The following H1-3 variants were observed in gnomAD, a reference collection of about 807,000 sequenced individuals.
H1-3 encodes H1.3 linker histone, cluster member.
A neutral mutation model predicts 3.6 loss-of-function variants in H1-3; 4 were observed. That is an observed-to-expected ratio of 1.12 (90% CI 0.55 to 2.57). The LOEUF (loss-of-function observed/expected upper bound fraction) is 2.57, where lower values mean the gene tolerates loss of function less well. H1-3 is among the 30% of genes most tolerant of loss of function. The pLI, the probability that H1-3 is intolerant of heterozygous loss-of-function variation, is 0.02. For missense variants in H1-3, 670 were observed against 274.3 expected (o/e 2.44, Z -10.19); for synonymous variants, 266 against 110.0 (o/e 2.42, Z -8.87).
rs748585271 is a variant in H1-3, at chr6:26,234,703, GTT to G, written c.229_230del (p.Asn77GlnfsTer53). 3.7e-6 allele frequency: 6 copies of G among 1,613,808 alleles called. No homozygotes were observed. The Middle Eastern group carries it at 5.0e-4, about 133-fold the overall frequency. On this transcript the variant is annotated frameshift_variant, in exon 1 of 1. Coordinates refer to ENST00000244534, the MANE Select transcript of H1-3 (RefSeq NM_005320.3). LOFTEE classifies it high-confidence loss of function. The part of the protein sequence containing the change: ...LAAAGYDVEK[N>X]NSRIKLGLKS... Reference sequence around the variant, plus strand: ...TGAGGCCAAGCTTGATACGGCTGTTGTTTTTTTCTACATCGTAGCCAGCAGCC... The same window carrying G: ...TGAGGCCAAGCTTGATACGGCTGTTGTTTTTCTACATCGTAGCCAGCAGCC...
At position 26,234,375 on chromosome 6, in the gene H1-3, C is replaced by A. The variant is rs150348677; in HGVS notation, c.559G>T (p.Ala187Ser). 3.0e-5 allele frequency: 49 copies of A among 1,614,096 alleles called. No homozygotes were observed. Among genetic ancestry groups the A allele is most frequent in the South Asian group, 5.5e-5 (5 of 91,092 alleles). Residue 187 changes from alanine (A) to serine (S), a missense_variant, in exon 1 of 1, where the codon GCC (alanine) becomes TCC (serine). Coordinates refer to ENST00000244534, the MANE Select transcript of H1-3 (RefSeq NM_005320.3). ...KVKTPQPKKAAKSPAKAKAPK... is the reference protein window; with the variant it reads ...KVKTPQPKKASKSPAKAKAPK... ...GCTTTGGCCTTAGCTGGACTCTTGGCAGCTTTTTTTGGCTGAGGTGTTTTC... is the reference window on the plus strand; with the variant it reads ...GCTTTGGCCTTAGCTGGACTCTTGGAAGCTTTTTTTGGCTGAGGTGTTTTC...
Position 26,234,939 on chromosome 6 carries a change from T to A in H1-3, c.-6A>T, listed in dbSNP as rs1759763587. 1 of 1,591,870 alleles carries A rather than the reference T, an allele frequency of 6.3e-7. No individual in the cohort carries two copies. Among genetic ancestry groups the A allele is most frequent in the Admixed American group, 1.8e-5 (1 of 54,526 alleles). On this transcript the variant is annotated 5_prime_UTR_variant, in exon 1 of 1. Coordinates refer to ENST00000244534, the MANE Select transcript of H1-3 (RefSeq NM_005320.3). ...AGTGGAGCAGTCTCCGACATGTTTT[T>A]GTCTTCCCAGAAAAGACAATAAGTA...
chr6:26,234,845 G>A lies in H1-3; in HGVS notation c.89C>T (p.Thr30Ile). The A allele has an allele frequency of 6.2e-7, 1 of 1,614,236 alleles. No individual in the cohort carries two copies. Among genetic ancestry groups the A allele is most frequent in the Non-Finnish European group, 8.5e-7 (1 of 1,180,048 alleles). ...TCCGGATGCTTTGCGTTTCCCAGCAGTTGCGCCTGCCTTCTTCGCCTTTTT... is the reference window on the plus strand; with the variant it reads ...TCCGGATGCTTTGCGTTTCCCAGCAATTGCGCCTGCCTTCTTCGCCTTTTT... The part of the protein sequence containing the change: ...VKKKAKKAGA[T>I]AGKRKASGPP... The change falls in exon 1 of 1, where the codon ACT (threonine) becomes ATT (isoleucine). Residue 30 changes from threonine (T) to isoleucine (I), a missense_variant. Thr to Ile is a moderately conservative substitution (Grantham distance 89). Coordinates refer to ENST00000244534, the MANE Select transcript of H1-3 (RefSeq NM_005320.3).
In H1-3 at chr6:26,234,816, G is replaced by A. The variant is rs369074504; in HGVS notation, c.118C>T (p.Pro40Ser). 1.1e-5 allele frequency: 17 copies of A among 1,614,106 alleles called. No individual in the cohort carries two copies. The highest frequency in any genetic ancestry group is 1.3e-5 in the African/African-American group (1 of 74,932). The change falls in exon 1 of 1, where the codon CCA (proline) becomes TCA (serine). Residue 40 changes from proline to serine, a missense_variant. Coordinates refer to ENST00000244534, the MANE Select transcript of H1-3 (RefSeq NM_005320.3). ...TAGKRKASGP[P>S]VSELITKAVA... Reference sequence around the variant, plus strand: ...GCCTTGGTGATAAGCTCAGATACTGGGGGTCCGGATGCTTTGCGTTTCCCA... The same window carrying A: ...GCCTTGGTGATAAGCTCAGATACTGAGGGTCCGGATGCTTTGCGTTTCCCA...
Position 26,234,665 on chromosome 6 carries a change from C to T in H1-3, c.269G>A (p.Ser90Asn), listed in dbSNP as rs1270956258. The change falls in exon 1 of 1, where the codon AGC (serine) becomes AAC (asparagine). Residue 90 changes from serine (S) to asparagine (N), a missense_variant. Coordinates refer to ENST00000244534, the MANE Select transcript of H1-3 (RefSeq NM_005320.3). Reference protein sequence around the residue: ...RIKLGLKSLVSKGTLVQTKGT... With the variant: ...RIKLGLKSLVNKGTLVQTKGT... ...TTTGGTCTGCACCAGAGTACCTTTGCTCACCAAGCTCTTGAGGCCAAGCTT... is the reference window on the plus strand; with the variant it reads ...TTTGGTCTGCACCAGAGTACCTTTGTTCACCAAGCTCTTGAGGCCAAGCTT... 4 of 1,614,182 alleles carry T rather than the reference C, an allele frequency of 2.5e-6. No homozygotes were observed. Among genetic ancestry groups the T allele is most frequent in the East Asian group, 4.5e-5 (2 of 44,894 alleles).
rs1759742189 is a variant in H1-3, at chr6:26,234,609, T to C, written c.325A>G (p.Asn109Asp). 1 of 1,614,096 alleles carries C rather than the reference T, an allele frequency of 6.2e-7. No individual in the cohort carries two copies. Among genetic ancestry groups the C allele is most frequent in the Non-Finnish European group, 8.5e-7 (1 of 1,180,032 alleles). Reference protein sequence around the residue: ...GTGASGSFKLNKKAASGEGKP... With the variant: ...GTGASGSFKLDKKAASGEGKP... ...CCTTCCCCGGAAGCCGCTTTCTTGT[T>C]GAGTTTGAAGGAGCCAGAAGCACCG... The change falls in exon 1 of 1, where the codon AAC (asparagine) becomes GAC (aspartate). Residue 109 changes from asparagine (N) to aspartate (D), a missense_variant. Physicochemically the swap from Asn to Asp is conservative, Grantham distance 23. Transcript: ENST00000244534.
Position 26,234,258 on chromosome 6 carries a change from C to T in H1-3, c.*10G>A, listed in dbSNP as rs766178633. 2.5e-6 allele frequency: 4 copies of T among 1,584,850 alleles called. No individual in the cohort carries two copies. Among genetic ancestry groups the T allele is most frequent in the Non-Finnish European group, 3.4e-6 (4 of 1,170,974 alleles). On this transcript the variant is annotated 3_prime_UTR_variant, in exon 1 of 1. Transcript: ENST00000244534. ...GTTTAAAATTTTCAAAGGGGAACGT[C>T]CCGCCAGTTTCACTTTTTCTTCGGA...
chr6:26,234,878 G>T lies in H1-3; in HGVS notation c.56C>A (p.Pro19His), dbSNP rs781696897. ...TGCCTTCTTCGCCTTTTTCTTCACA[G>T]GTGTTTTTTCTGCGGGTGCAGGAAT... ...PTIPAPAEKT[P>H]VKKKAKKAGA... Residue 19 changes from proline to histidine, a missense_variant, in exon 1 of 1, where the codon CCT becomes CAT. Coordinates refer to ENST00000244534, the MANE Select transcript of H1-3 (RefSeq NM_005320.3). The T allele has an allele frequency of 6.2e-6, 10 of 1,613,308 alleles. No individual in the cohort carries two copies. The highest frequency in any genetic ancestry group is 8.5e-6 in the Non-Finnish European group (10 of 1,179,832).
rs775179198 is a variant in H1-3, at chr6:26,234,328, C to G, written c.606G>C (p.Lys202Asn). 1.2e-6 allele frequency: 2 copies of G among 1,613,748 alleles called. No individual in the cohort carries two copies. The highest frequency in any genetic ancestry group is 1.7e-6 in the Non-Finnish European group (2 of 1,179,918). ...KAKAPKPKAA[K>N]PKSGKPKVTK... ...TAACCTTCGGCTTCCCCGACTTAGGCTTGGCCGCCTTGGGCTTAGGGGCTT... is the reference window on the plus strand; with the variant it reads ...TAACCTTCGGCTTCCCCGACTTAGGGTTGGCCGCCTTGGGCTTAGGGGCTT... Residue 202 changes from lysine to asparagine, a missense_variant, in exon 1 of 1, where the codon AAG (lysine) becomes AAC (asparagine). Coordinates refer to ENST00000244534, the MANE Select transcript of H1-3 (RefSeq NM_005320.3).
rs753137972 is a variant in H1-3, at chr6:26,234,979, G to A, written c.-46C>T. On this transcript the variant is annotated 5_prime_UTR_variant, in exon 1 of 1. Coordinates refer to ENST00000244534, the MANE Select transcript of H1-3 (RefSeq NM_005320.3). The stretch of plus-strand genomic sequence containing the variant: ...GACAATAAGTAATCTCAAACTGTCA[G>A]AACAGCATGTCCTCTACGAGGGAGG... 7.3e-5 allele frequency: 111 copies of A among 1,522,806 alleles called. No homozygotes were observed. Among genetic ancestry groups the A allele is most frequent in the Non-Finnish European group, 9.5e-5 (107 of 1,127,654 alleles). The allele number at this position is 1,522,806 out of a possible 1,614,324, so 94.3% of individuals were successfully genotyped here.
Position 26,234,589 on chromosome 6 carries a change from C to G in H1-3, c.345G>C (p.Gly115=). The change falls in exon 1 of 1, where the codon GGG becomes GGC. Residue 115 remains glycine, a synonymous_variant. Coordinates refer to ENST00000244534, the MANE Select transcript of H1-3 (RefSeq NM_005320.3). ...CCTTTTTGGCCTTGGGTTTGCCTTC[C>G]CCGGAAGCCGCTTTCTTGTTGAGTT... is the stretch of plus-strand genomic sequence containing the variant. The part of the protein sequence containing the change: ...SFKLNKKAAS[G]EGKPKAKKAG... The G allele has an allele frequency of 6.2e-7, 1 of 1,613,908 alleles. No homozygotes were observed. The highest frequency in any genetic ancestry group is 1.7e-4 in the Middle Eastern group (1 of 5,842).
chr6:26,234,761 A>G lies in H1-3; in HGVS notation c.173T>C (p.Val58Ala). The change falls in exon 1 of 1, where the codon GTT becomes GCT. Residue 58 changes from valine (V) to alanine (A), a missense_variant. By Grantham distance (64) the Val-to-Ala change is moderately conservative. Coordinates refer to ENST00000244534, the MANE Select transcript of H1-3 (RefSeq NM_005320.3). ...AVAASKERSG[V>A]SLAALKKALA... ...CGCTTTCTTAAGCGCGGCCAGAGAA[A>G]CGCCGCTGCGCTCCTTAGAAGCTGC... 1 of 1,614,166 alleles carries G rather than the reference A, an allele frequency of 6.2e-7. No individual in the cohort carries two copies. Among genetic ancestry groups the G allele is most frequent in the Non-Finnish European group, 8.5e-7 (1 of 1,180,034 alleles).
Position 26,234,687 on chromosome 6 carries a change from G to C in H1-3, c.247C>G (p.Leu83Val), listed in dbSNP as rs370746969. ...TTGCTCACCAAGCTCTTGAGGCCAA[G>C]CTTGATACGGCTGTTGTTTTTTTCT... ...DVEKNNSRIK[L>V]GLKSLVSKGT... Residue 83 changes from leucine to valine, a missense_variant, in exon 1 of 1, where the codon CTT becomes GTT. Transcript: ENST00000244534. 3.7e-6 allele frequency: 6 copies of C among 1,613,930 alleles called. No individual in the cohort carries two copies. The highest frequency in any genetic ancestry group is 2.7e-5 in the African/African-American group (2 of 74,908).
chr6:26,234,888 C>G lies in H1-3; in HGVS notation c.46G>C (p.Glu16Gln), dbSNP rs1759760383. 1 of 1,612,896 alleles carries G rather than the reference C, an allele frequency of 6.2e-7. No individual in the cohort carries two copies. The highest frequency in any genetic ancestry group is 1.1e-5 in the South Asian group (1 of 90,962). Reference protein sequence around the residue: ...PLAPTIPAPAEKTPVKKKAKK... With the variant: ...PLAPTIPAPAQKTPVKKKAKK... ...GCCTTTTTCTTCACAGGTGTTTTTT[C>G]TGCGGGTGCAGGAATGGTAGGAGCA... Residue 16 changes from glutamate to glutamine, a missense_variant, in exon 1 of 1, where the codon GAA (glutamate) becomes CAA (glutamine). Physicochemically the swap from Glu to Gln is conservative, Grantham distance 29 (BLOSUM62 2). Coordinates refer to ENST00000244534, the MANE Select transcript of H1-3 (RefSeq NM_005320.3).
chr6:26,234,252 G>T lies in H1-3; in HGVS notation c.*16C>A. 1 of 1,579,012 alleles carries T rather than the reference G, an allele frequency of 6.3e-7. No individual in the cohort carries two copies. The highest frequency in any genetic ancestry group is 1.2e-5 in the South Asian group (1 of 85,444). On this transcript the variant is annotated 3_prime_UTR_variant, in exon 1 of 1. Coordinates refer to ENST00000244534, the MANE Select transcript of H1-3 (RefSeq NM_005320.3). Reference sequence around the variant, plus strand: ...AGAGCCGTTTAAAATTTTCAAAGGGGAACGTCCCGCCAGTTTCACTTTTTC... The same window carrying T: ...AGAGCCGTTTAAAATTTTCAAAGGGTAACGTCCCGCCAGTTTCACTTTTTC...
Position 26,234,858 on chromosome 6 carries a change from T to C in H1-3, c.76A>G (p.Lys26Glu), listed in dbSNP as rs951535539. The change falls in exon 1 of 1, where the codon AAG (lysine) becomes GAG (glutamate). Residue 26 changes from lysine to glutamate, a missense_variant. Transcript: ENST00000244534. ...EKTPVKKKAK[K>E]AGATAGKRKA... The stretch of plus-strand genomic sequence containing the variant: ...CGTTTCCCAGCAGTTGCGCCTGCCT[T>C]CTTCGCCTTTTTCTTCACAGGTGTT... 1 of 1,613,970 alleles carries C rather than the reference T, an allele frequency of 6.2e-7. No homozygotes were observed. Among genetic ancestry groups the C allele is most frequent in the Non-Finnish European group, 8.5e-7 (1 of 1,180,016 alleles).
Position 26,234,934 on chromosome 6 carries a change from GTT to G in H1-3, c.-3_-2del, listed in dbSNP as rs768502952. ...GAGCAAGTGGAGCAGTCTCCGACAT[GTT>G]TTTGTCTTCCCAGAAAAGACAATAA... On this transcript the variant is annotated 5_prime_UTR_variant, in exon 1 of 1. Coordinates refer to ENST00000244534, the MANE Select transcript of H1-3 (RefSeq NM_005320.3). 57 of 1,594,044 alleles carry G rather than the reference GTT, an allele frequency of 3.6e-5. No homozygotes were observed. Among genetic ancestry groups the G allele is most frequent in the Non-Finnish European group, 4.3e-5 (50 of 1,173,016 alleles).
At position 26,234,212 on chromosome 6, in the gene H1-3, T is replaced by G. The variant is rs1211175908; in HGVS notation, c.*56A>C. 2.6e-5 allele frequency: 39 copies of G among 1,482,428 alleles called. No individual in the cohort carries two copies. The highest frequency in any genetic ancestry group is 3.0e-5 in the Non-Finnish European group (33 of 1,098,082). 91.8% of individuals were successfully genotyped at this position (1,482,428 alleles called of 1,614,324 possible). A position where few individuals can be genotyped will look rare whatever the true frequency, so the allele number is the denominator to read the frequency against. On this transcript the variant is annotated 3_prime_UTR_variant, in exon 1 of 1. Transcript: ENST00000244534. The stretch of plus-strand genomic sequence containing the variant: ...CTTCAGCTCTTTTGACTGAGACCTG[T>G]GGGTGGCTCTGAAAAGAGCCGTTTA...
rs377298445 is a variant in H1-3 at position 26,234,281 on chromosome 6, G to T, written c.653C>A (p.Pro218Gln). 3.0e-5 allele frequency: 48 copies of T among 1,587,290 alleles called. 1 individual carries two copies. In the South Asian group the frequency reaches 5.4e-4, roughly 18 times the overall value. Residue 218 changes from proline (P) to glutamine (Q), a missense_variant, in exon 1 of 1, where the codon CCG becomes CAG. Pro to Gln is a moderately conservative substitution (Grantham distance 76). Coordinates refer to ENST00000244534, the MANE Select transcript of H1-3 (RefSeq NM_005320.3). ...GTCCCGCCAGTTTCACTTTTTCTTC[G>T]GAGCTGCCTTCTTTGCCTTTGTAAC... The part of the protein sequence containing the change: ...PKVTKAKKAA[P>Q]KKK
Sources: allele counts gnomAD v4.1 joint callset, GRCh38; gene constraint gnomAD v4.1.1; transcripts MANE v1.5; gene names NCBI Gene and HGNC (gene_info 2026-07-23, HGNC 2026-07-21).